LPIN1: variants seen among roughly 807,000 people sequenced by gnomAD.
The protein encoded by LPIN1 is phosphatidate phosphatase LPIN1.
Under a neutral mutation model 107.5 loss-of-function variants are expected in LPIN1, and 71 were observed. The observed-to-expected ratio is 0.66, with a 90% CI of 0.55 to 0.80. The LOEUF (loss-of-function observed/expected upper bound fraction) is 0.80. Ranked by LOEUF, LPIN1 falls within the 30% of genes least tolerant of loss-of-function variation. The probability of loss-of-function intolerance (pLI) is 0.00; values close to 1 mark genes in which losing one functional copy is unlikely to be tolerated. For synonymous variants in LPIN1, 445 were observed against 452.6 expected, an observed-to-expected ratio of 0.98 and a Z score of 0.21; for missense variants, 1,043 against 1,160.6, an observed-to-expected ratio of 0.90 and a Z score of 1.47.
intron 1 of LPIN1, among the ~76,000 whole-genome samples, chr2:11,696,937 GTC>G (rs1662616299): frequency 6.6e-6 from 1 of 152,178 alleles, no homozygotes; most frequent in Non-Finnish European, 1.5e-5. Context: ...GTGCTCCTGC[GTC>G]TCTCTGTTCT....
At chr2:11,809,097 A>G (rs920798317) in intron 17 of LPIN1, among the ~76,000 whole-genome samples, 1 of 152,090 alleles carries the variant, frequency 6.6e-6, no homozygotes, top group Non-Finnish European at 1.5e-5. Context: ...AACAAATGCA[A>G]ATGGAAGATA....
Position 11,784,893 on chromosome 2 carries a change from C to G in LPIN1, c.1366C>G (p.Pro456Ala). 3 of 1,613,922 alleles carry G rather than the reference C, an allele frequency of 1.9e-6. No homozygotes were observed. Among genetic ancestry groups the G allele is most frequent in the Non-Finnish European group, 2.5e-6 (3 of 1,179,980 alleles). ...AALYFPKNGDPSGLAKHASDN... is the reference protein window; with the variant it reads ...AALYFPKNGDASGLAKHASDN... ...CGCTTTTCCTCCTTCCAGCGGAGAT[C>G]CTTCCGGACTCGCAAAACATGCAAG... is the stretch of plus-strand genomic sequence containing the variant. Residue 456 changes from proline to alanine, a missense_variant, in exon 10 of 21, where the codon CCT becomes GCT. Coordinates refer to ENST00000674199, the MANE Select transcript of LPIN1 (RefSeq NM_001349206.2).
At chr2:11,756,585 G>C (rs962317136) in intron 1 of LPIN1, among the ~76,000 whole-genome samples, 4 of 152,068 alleles carry the variant, frequency 2.6e-5, no homozygotes, top group Non-Finnish European at 5.9e-5. Context: ...GTATTTTGTA[G>C]AGAGCCTGAC....
rs961071232 is a variant in LPIN1 at position 11,691,215 on chromosome 2, C to T, written c.81+13487C>T. ...TGGTTTGTAGTTGCCTCCCCAGGTC[C>T]GGGGGCACAGTCCAGAGCCAGGCCT... On this transcript the variant is annotated intron_variant, in intron 1 of 21. Coordinates refer to the LPIN1 transcript ENST00000449576. 7.9e-5 allele frequency among the ~76,000 whole-genome samples: 12 copies of T among 151,812 alleles called. No homozygotes were observed. In the East Asian group the frequency reaches 9.7e-4, roughly 12 times the overall value.
rs1169516477 is a variant in LPIN1, at chr2:11,786,879, C to A, written c.1550-195C>A. On this transcript the variant is annotated intron_variant, in intron 10 of 20. Transcript: ENST00000674199. The surrounding 1 kb of genome is among the most constrained non-coding windows in gnomAD (Gnocchi z 4.1). ...CATCCTCAGCCTTGCCCTGGCCTCC[C>A]TGCATTGCTGCACAGACGCCGCCTT... is the stretch of plus-strand genomic sequence containing the variant. Among the ~76,000 whole-genome samples the A allele has an allele frequency of 6.6e-6, 1 of 152,274 alleles. No homozygotes were observed. The highest frequency in any genetic ancestry group is 6.5e-5 in the Admixed American group (1 of 15,292).
chr2:11,683,904 C>T (rs1421149138), intron 1 of LPIN1, among the ~76,000 whole-genome samples: 5 of 152,202 alleles, frequency 3.3e-5, no homozygotes, highest in Admixed American at 6.5e-5. Flanking sequence ...CTCTCCCAGC[C>T]CTGGGCTCTT....
At chr2:11,701,346 C>G (rs1662863638) in intron 1 of LPIN1, among the ~76,000 whole-genome samples, 1 of 152,144 alleles carries the variant, frequency 6.6e-6, no homozygotes, top group Non-Finnish European at 1.5e-5. Flanking sequence ...GTAATTACCC[C>G]ACTGATGAAC....
intron 2 of LPIN1, among the ~76,000 whole-genome samples, chr2:11,718,208 C>T (rs1190646409): frequency 6.6e-6 from 1 of 152,032 alleles, no homozygotes; most frequent in Non-Finnish European, 1.5e-5. Context: ...TCCAGGTAAC[C>T]TCTCAGGAAA....
At position 11,782,268 on chromosome 2, in the gene LPIN1, A is replaced by C. The variant is rs775023207; in HGVS notation, c.1025A>C (p.His342Pro). 4 of 1,614,098 alleles carry C rather than the reference A, an allele frequency of 2.5e-6. No individual in the cohort carries two copies. Among genetic ancestry groups the C allele is most frequent in the African/African-American group, 1.3e-5 (1 of 74,938 alleles). ...LSSRKICDKS[H>P]FQAIHSESSD... ...AGTAGAAAAATTTGTGATAAAAGTC[A>C]CTTTCAGGCCATTCACAGCGAATCT... Residue 342 changes from histidine (H) to proline (P), a missense_variant, in exon 8 of 21, where the codon CAC (histidine) becomes CCC (proline). Transcript: ENST00000674199.
chr2:11,713,894 T>C (rs1237225908), intron 2 of LPIN1: 1 of 1,009,054 alleles, frequency 9.9e-7, no homozygotes, highest in Non-Finnish European at 1.5e-6. Flanking sequence ...CAGCTGTGGT[T>C]TGTCGCCATG....
chr2:11,772,071 C>T (rs903207425), intron 4 of LPIN1, among the ~76,000 whole-genome samples: 7 of 152,160 alleles, frequency 4.6e-5, no homozygotes, highest in Admixed American at 2.0e-4. Flanking sequence ...ACAAGGAGTG[C>T]GCAGCCCAGA....
chr2:11,767,653 T>A (rs1488856662), intron 2 of LPIN1, 110 bp from the exon 3 acceptor site: 1 of 757,570 alleles, frequency 1.3e-6, no homozygotes, highest in Non-Finnish European at 2.4e-6. Flanking sequence ...TGTGTGGCAC[T>A]TCAGGGTGTA....
intron 20 of LPIN1, among the ~76,000 whole-genome samples, chr2:11,822,277 C>CAAAAAAAAAAAAAAAAAAAA (rs751514674): frequency 1.3e-5 from 1 of 78,878 alleles, no homozygotes; most frequent in Non-Finnish European, 2.5e-5. Context: ...CTAGAAATGC[C>CAAAAAAAAAAAAAAAAAAAA]AAAAAAAAAA....
chr2:11,715,819 G>A (rs1370539161), intron 2 of LPIN1, among the ~76,000 whole-genome samples: 2 of 152,132 alleles, frequency 1.3e-5, no homozygotes, highest in Non-Finnish European at 2.9e-5. Context: ...TGGAGGAGGA[G>A]GATGGGTACC....
chr2:11,714,648 G>A (rs1360991653), intron 2 of LPIN1, among the ~76,000 whole-genome samples: 2 of 152,212 alleles, frequency 1.3e-5, no homozygotes, highest in East Asian at 3.9e-4. Flanking sequence ...TCCACTGTGG[G>A]GAAGAGGCTG....
At chr2:11,805,538 A>C (rs1403786643) in intron 17 of LPIN1, 1 of 332,786 alleles carries the variant, frequency 3.0e-6, no homozygotes, top group African/African-American at 2.1e-5. Flanking sequence ...AAAAAGTTGC[A>C]GATTCCAGGC....
chr2:11,681,538 T>G (rs1446610634), intron 1 of LPIN1: 1 of 155,040 alleles, frequency 6.4e-6, no homozygotes, highest in African/African-American at 2.4e-5. Flanking sequence ...GTACAGCCTG[T>G]GGAACTGTGA....
At chr2:11,735,135 T>G (rs1665657865) in intron 1 of LPIN1, among the ~76,000 whole-genome samples, 1 of 151,864 alleles carries the variant, frequency 6.6e-6, no homozygotes, top group Non-Finnish European at 1.5e-5. Flanking sequence ...CTACTAAAAA[T>G]ACAAAAATTA....
At chr2:11,682,956 T>G (rs1318910750) in intron 1 of LPIN1, 2 of 152,218 alleles carry the variant, frequency 1.3e-5, no homozygotes, top group Non-Finnish European at 2.9e-5. Context: ...AGCACCTTAG[T>G]GTGTAGGCTT....
Sources: gnomAD v4.1 joint callset for allele counts (sites outside exome capture counted in the v4.1 genomes callset) on GRCh38, gnomAD v4.1.1 for gene constraint, Gnocchi (gnomAD v3.1) non-coding constraint, MANE v1.5 for transcripts, NCBI Gene and HGNC (gene_info 2026-07-23, HGNC 2026-07-21) for gene names.